Variants in SPATA13 observed in about 807,000 individuals in gnomAD.
SPATA13 encodes spermatogenesis-associated protein 13.
SPATA13 carries 50 observed loss-of-function variants against 104.0 expected under a neutral mutation model. The ratio of observed to expected loss-of-function variants is 0.48; its 90% CI spans 0.38 to 0.61. The LOEUF is 0.61. Among genes scored for constraint, SPATA13 ranks in the 20% least tolerant of loss-of-function variants. The pLI is 0.00. For missense variants in SPATA13, 1,524 were observed against 1,690.6 expected (o/e 0.90, Z 1.73); for synonymous variants, 606 against 667.5 (o/e 0.91, Z 1.42).
At chr13:24,014,534 C>G (rs1876623073) in intron 2 of SPATA13, among the ~76,000 whole-genome samples, 1 of 152,082 alleles carries the variant, frequency 6.6e-6, no homozygotes. Flanking sequence ...ATAAAGTAAG[C>G]TAGAGAAAAT....
intron 2 of SPATA13, among the ~76,000 whole-genome samples, chr13:24,008,464 G>A (rs1232736956): frequency 2.6e-5 from 4 of 152,226 alleles, no homozygotes; most frequent in East Asian, 3.9e-4. Flanking sequence ...CACCATGAAA[G>A]AGGGCGGTGC....
At chr13:24,279,750 G>T (rs1447407562) in intron 4 of SPATA13, among the ~76,000 whole-genome samples, 1 of 152,204 alleles carries the variant, frequency 6.6e-6, no homozygotes, top group African/African-American at 2.4e-5. Flanking sequence ...TTGCACCAAG[G>T]TCATTTAGTT....
At chr13:24,259,704 A>G (rs1873966739) in intron 4 of SPATA13, among the ~76,000 whole-genome samples, 1 of 152,244 alleles carries the variant, frequency 6.6e-6, no homozygotes, top group African/African-American at 2.4e-5. Flanking sequence ...AATTATTGGG[A>G]AATGCTATAG....
intron 1 of SPATA13, among the ~76,000 whole-genome samples, chr13:24,179,027 C>T (rs928184246): frequency 7.9e-5 from 12 of 152,172 alleles, no homozygotes; most frequent in Non-Finnish European, 1.5e-5. Context: ...ATGATTCATA[C>T]AACATGTGGC....
At chr13:24,132,541 C>T (rs1057464970) in intron 3 of SPATA13, among the ~76,000 whole-genome samples, 1 of 152,210 alleles carries the variant, frequency 6.6e-6, no homozygotes, top group Non-Finnish European at 1.5e-5. Context: ...CAACATCTCA[C>T]AGACTGTGTT....
chr13:24,126,363 T>C (rs1881216009), intron 3 of SPATA13, among the ~76,000 whole-genome samples: 1 of 152,176 alleles, frequency 6.6e-6, no homozygotes, highest in South Asian at 2.1e-4. Flanking sequence ...CTTGGACTTA[T>C]GACTGCCACA....
chr13:24,272,507 T>C (rs1484492783), intron 4 of SPATA13, among the ~76,000 whole-genome samples: 1 of 152,138 alleles, frequency 6.6e-6, no homozygotes, highest in Non-Finnish European at 1.5e-5. Flanking sequence ...GGGTTTTCTT[T>C]CCTTTGAGAG....
chr13:24,291,026 T>C (rs1876315245), intron 9 of SPATA13, 142 bp downstream of exon 9: 4 of 662,166 alleles, frequency 6.0e-6, no homozygotes, highest in Non-Finnish European at 1.0e-5. Context: ...TTCAGGTTGT[T>C]TAGAATGTGT....
chr13:24,166,720 A>AT (rs1183338677), intron 1 of SPATA13, among the ~76,000 whole-genome samples: 2 of 152,110 alleles, frequency 1.3e-5, no homozygotes, highest in African/African-American at 4.8e-5. Context: ...CCACAGAAAT[A>AT]TTTGAAAGCC....
intron 3 of SPATA13, among the ~76,000 whole-genome samples, chr13:24,021,732 G>A: frequency 6.7e-6 from 1 of 148,432 alleles, no homozygotes; most frequent in Non-Finnish European, 1.5e-5. Context: ...TTTTTTTTGA[G>A]ATGGAGTCTC....
intron 3 of SPATA13, among the ~76,000 whole-genome samples, chr13:24,136,762 T>C (rs1881584583): frequency 6.6e-6 from 1 of 152,230 alleles, no homozygotes; most frequent in Non-Finnish European, 1.5e-5. Flanking sequence ...TGTGAATGGA[T>C]AAATGGATTT....
intron 2 of SPATA13, among the ~76,000 whole-genome samples, chr13:23,986,960 C>G (rs990172429): frequency 6.6e-6 from 1 of 150,460 alleles, no homozygotes; most frequent in Non-Finnish European, 1.5e-5. Context: ...GGAAATTTGA[C>G]AAGTTTCAAA....
chr13:24,174,566 T>G (rs1308266414), intron 1 of SPATA13, among the ~76,000 whole-genome samples: 1 of 151,238 alleles, frequency 6.6e-6, no homozygotes, highest in African/African-American at 2.4e-5. Flanking sequence ...AAAATTTCCC[T>G]TTATTTTATT....
At chr13:24,272,478 A>G (rs983282371) in intron 4 of SPATA13, among the ~76,000 whole-genome samples, 1 of 152,176 alleles carries the variant, frequency 6.6e-6, no homozygotes, top group Non-Finnish European at 1.5e-5. Flanking sequence ...TAAAACAAAT[A>G]ATAAAGCTTG....
intron 3 of SPATA13, chr13:24,123,891 C>A: frequency 1.5e-6 from 1 of 651,084 alleles, no homozygotes; most frequent in Non-Finnish European, 2.7e-6. Context: ...CTCCTCCACC[C>A]AGAGATCATT....
intron 1 of SPATA13, among the ~76,000 whole-genome samples, chr13:24,219,428 A>T (rs1871448498): frequency 6.6e-6 from 1 of 152,248 alleles, no homozygotes. Context: ...CTAGAAATTA[A>T]GTTCTGAGTG....
chr13:24,007,930 C>A (rs563574434), intron 2 of SPATA13, among the ~76,000 whole-genome samples: 2 of 152,312 alleles, frequency 1.3e-5, no homozygotes, highest in African/African-American at 4.8e-5. Context: ...CAAGAAAGGA[C>A]AGAAATTAGC....
chr13:24,279,841 C>G (rs935372759), intron 4 of SPATA13, among the ~76,000 whole-genome samples: 5 of 152,184 alleles, frequency 3.3e-5, no homozygotes, highest in African/African-American at 1.2e-4. Context: ...TGTTTCAAGT[C>G]TCTTGCCCCT....
intron 4 of SPATA13, among the ~76,000 whole-genome samples, chr13:24,283,140 G>A (rs769181312): frequency 2.0e-5 from 3 of 152,164 alleles, no homozygotes; most frequent in Non-Finnish European, 4.4e-5. Flanking sequence ...GTTCTGAGTC[G>A]CCTGCTCCTC....
Sources: gnomAD v4.1 joint callset for allele counts (sites outside exome capture counted in the v4.1 genomes callset) on GRCh38, gnomAD v4.1.1 for gene constraint, MANE v1.5 for transcripts, NCBI Gene and HGNC (gene_info 2026-07-23, HGNC 2026-07-21) for gene names.